Variants in DLGAP2 observed in about 807,000 individuals in gnomAD.
DLGAP2 encodes disks large-associated protein 2.
Under a neutral mutation model 100.3 loss-of-function variants are expected in DLGAP2, and 26 were observed. The ratio of observed to expected loss-of-function variants is 0.26; its 90% CI spans 0.19 to 0.36. The LOEUF (loss-of-function observed/expected upper bound fraction) is 0.36, where lower values mean the gene tolerates loss of function less well. DLGAP2 is among the 10% of genes least tolerant of loss of function. The pLI is 1.00. For synonymous variants in DLGAP2, 886 were observed against 630.1 expected, an observed-to-expected ratio of 1.41 and a Z score of -6.08; for missense variants, 1,858 against 1,453.2, an observed-to-expected ratio of 1.28 and a Z score of -4.53.
chr8:1,706,915 G>A lies in DLGAP2; in HGVS notation c.*5509G>A, dbSNP rs1179730842. The A allele has an allele frequency of 1.3e-5, 2 of 152,250 alleles. No homozygotes were observed. Among genetic ancestry groups the A allele is most frequent in the African/African-American group, 4.8e-5 (2 of 41,422 alleles). The allele number at this position is 152,250 out of a possible 1,614,324, so 9.4% of individuals were successfully genotyped here. A position where few individuals can be genotyped will look rare whatever the true frequency, so the allele number is the denominator to read the frequency against. ...CGTGGGAAAGCTCCGGGAAACAGCCGTCTTTCATCCTTGCCACATTGAAAA... is the reference window on the plus strand; with the variant it reads ...CGTGGGAAAGCTCCGGGAAACAGCCATCTTTCATCCTTGCCACATTGAAAA... On this transcript the variant is annotated 3_prime_UTR_variant, in exon 15 of 15. Transcript: ENST00000637795.
intron 6 of DLGAP2, among the ~76,000 whole-genome samples, chr8:1,616,139 C>T (rs899173335): frequency 1.3e-5 from 2 of 151,452 alleles, no homozygotes; most frequent in African/African-American, 2.4e-5. Context: ...TGTTTAAGAG[C>T]GAATTGAGAG....
chr8:1,150,087 T>A (rs1224730561), intron 2 of DLGAP2, among the ~76,000 whole-genome samples: 1 of 152,254 alleles, frequency 6.6e-6, no homozygotes, highest in Non-Finnish European at 1.5e-5. Context: ...TTTCTTCACT[T>A]ATTTCCTTGT....
intron 4 of DLGAP2, among the ~76,000 whole-genome samples, chr8:1,536,333 A>G (rs918774687): frequency 2.6e-5 from 4 of 152,120 alleles, no homozygotes; most frequent in Admixed American, 6.5e-5. Flanking sequence ...TGAAATCAGC[A>G]CCATGCCGAC....
At chr8:1,574,745 C>T (rs982254914) in intron 6 of DLGAP2, among the ~76,000 whole-genome samples, 1 of 152,170 alleles carries the variant, frequency 6.6e-6, no homozygotes, top group African/African-American at 2.4e-5. Context: ...TGCCAATAAT[C>T]AGCCAATATT....
At chr8:862,212 C>T (rs1045127806) in intron 1 of DLGAP2, among the ~76,000 whole-genome samples, 5 of 152,064 alleles carry the variant, frequency 3.3e-5, no homozygotes, top group African/African-American at 7.2e-5. Context: ...GAGTCGCACC[C>T]AGATTCCCAC....
chr8:1,135,503 GTT>G (rs3080806), intron 2 of DLGAP2, among the ~76,000 whole-genome samples: 21 of 92,234 alleles, frequency 2.3e-4, no homozygotes, highest in South Asian at 4.6e-4. Flanking sequence ...TTTTTTGTGG[GTT>G]TTTTTTTTTT....
intron 2 of DLGAP2, among the ~76,000 whole-genome samples, chr8:1,119,307 A>G (rs747765851): frequency 1.3e-5 from 2 of 152,328 alleles, no homozygotes; most frequent in Non-Finnish European, 2.9e-5. Context: ...TTCATCTGCA[A>G]AATATTTTAG....
intron 2 of DLGAP2, among the ~76,000 whole-genome samples, chr8:1,155,140 G>T (rs1468401345): frequency 2.0e-5 from 3 of 152,282 alleles, no homozygotes; most frequent in Non-Finnish European, 2.9e-5. Flanking sequence ...TATCCCTGGG[G>T]CAGCGGCTGG....
chr8:1,355,163 C>G (rs187631230), intron 3 of DLGAP2, among the ~76,000 whole-genome samples: 1 of 152,214 alleles, frequency 6.6e-6, no homozygotes, highest in Admixed American at 6.5e-5. Context: ...CAGAAAGCAC[C>G]GTGAAAGCGG....
Position 1,707,468 on chromosome 8 carries a change from C to G in DLGAP2, c.*6062C>G, listed in dbSNP as rs746457762. Reference sequence around the variant, plus strand: ...TCATTTAAATAATACAATCATATCACTTTCAAAGGGCTCAGCACGAATGTT... The same window carrying G: ...TCATTTAAATAATACAATCATATCAGTTTCAAAGGGCTCAGCACGAATGTT... On this transcript the variant is annotated 3_prime_UTR_variant, in exon 15 of 15. Coordinates refer to ENST00000637795, the MANE Select transcript of DLGAP2 (RefSeq NM_001346810.2). The G allele has an allele frequency of 2.0e-5, 3 of 152,320 alleles. No individual in the cohort carries two copies. The highest frequency in any genetic ancestry group is 4.8e-5 in the African/African-American group (2 of 41,560). The allele number at this position is 152,320 out of a possible 1,614,324, so 9.4% of individuals were successfully genotyped here.
At chr8:737,921 C>G (rs1820360827) in intron 1 of DLGAP2, 96 bp downstream of exon 1, 1 of 359,498 alleles carries the variant, frequency 2.8e-6, no homozygotes, top group East Asian at 4.1e-5. Context: ...GGGGACGCCC[C>G]GAGGGCGTCA....
At chr8:1,363,677 C>T (rs1011946061) in intron 3 of DLGAP2, among the ~76,000 whole-genome samples, 3 of 151,252 alleles carry the variant, frequency 2.0e-5, no homozygotes. Flanking sequence ...GTGGGGACAA[C>T]AGTCAGGACA....
intron 2 of DLGAP2, among the ~76,000 whole-genome samples, chr8:1,036,360 C>A (rs557617321): frequency 7.2e-5 from 11 of 152,394 alleles, no homozygotes; most frequent in Admixed American, 6.5e-4. Context: ...GGGGAGGACA[C>A]AAGACCCCCC....
chr8:1,624,389 C>G (rs1446050173), intron 6 of DLGAP2, among the ~76,000 whole-genome samples: 1 of 152,054 alleles, frequency 6.6e-6, no homozygotes, highest in East Asian at 1.9e-4. Flanking sequence ...TGAGGCCACA[C>G]TGCTCGGGCT....
At chr8:1,582,064 G>C (rs1410989202) in intron 6 of DLGAP2, among the ~76,000 whole-genome samples, 2 of 148,910 alleles carry the variant, frequency 1.3e-5, no homozygotes, top group Admixed American at 6.7e-5. Flanking sequence ...ACTACCAGAA[G>C]TGAAGGATAC....
At chr8:1,102,196 AT>A (rs1804607028) in intron 2 of DLGAP2, among the ~76,000 whole-genome samples, 1 of 148,418 alleles carries the variant, frequency 6.7e-6, no homozygotes, top group Admixed American at 6.8e-5. Flanking sequence ...ATAATATTGA[AT>A]TACATATTGA....
chr8:1,336,921 T>C (rs1281090587), intron 3 of DLGAP2, among the ~76,000 whole-genome samples: 2 of 152,194 alleles, frequency 1.3e-5, no homozygotes, highest in Non-Finnish European at 2.9e-5. Flanking sequence ...CAAAATGACA[T>C]TGAGCAATTC....
intron 2 of DLGAP2, among the ~76,000 whole-genome samples, chr8:1,229,549 C>A (rs368341950): frequency 6.7e-6 from 1 of 149,858 alleles, no homozygotes; most frequent in Non-Finnish European, 1.5e-5. Flanking sequence ...TTTTGTTTTT[C>A]TGTGGGATTA....
chr8:876,092 T>C (rs1585961734), intron 1 of DLGAP2, among the ~76,000 whole-genome samples: 1 of 152,224 alleles, frequency 6.6e-6, no homozygotes, highest in East Asian at 1.9e-4. Flanking sequence ...GTTACACATA[T>C]ATTTTTATGT....
Sources: allele counts gnomAD v4.1 joint callset (sites outside exome capture counted in the v4.1 genomes callset), GRCh38; gene constraint gnomAD v4.1.1; transcripts MANE v1.5; gene names NCBI Gene and HGNC (gene_info 2026-07-23, HGNC 2026-07-21).